Variants in PXDN observed in about 807,000 individuals in gnomAD.
The protein encoded by PXDN is peroxidasin.
PXDN carries 77 observed loss-of-function variants against 140.3 expected under a neutral mutation model. That is an observed-to-expected ratio of 0.55 (90% CI 0.46 to 0.66). PXDN has a LOEUF of 0.66. PXDN is among the 30% of genes least tolerant of loss of function. PXDN has a pLI of 0.00. For synonymous variants in PXDN, 911 were observed against 857.4 expected, an observed-to-expected ratio of 1.06 and a Z score of -1.09; for missense variants, 1,838 against 2,039.5, an observed-to-expected ratio of 0.90 and a Z score of 1.90.
intron 18 of PXDN, among the ~76,000 whole-genome samples, chr2:1,644,363 C>T (rs1037868719): frequency 2.6e-5 from 4 of 152,090 alleles, no homozygotes; most frequent in African/African-American, 9.7e-5. Context: ...CAGAAATATT[C>T]CTATAAATGA....
rs1558494390 is a variant in PXDN at position 1,658,064 on chromosome 2, CTCTCTCTCTCTCTCTCT to C, written c.1837+2800_1837+2816del. ...TCTCTCTCTCTCTCTCTCTCTCTCT[CTCTCTCTCTCTCTCTCT>C]CTCTCTCTCTCTGTTACAGTGTCTG... is the stretch of plus-strand genomic sequence containing the variant. On this transcript the variant is annotated intron_variant, in intron 14 of 22. Transcript: ENST00000252804. 1.9e-3 allele frequency among the ~76,000 whole-genome samples: 213 copies of C among 109,298 alleles called. 28 individuals carry two copies. Among genetic ancestry groups the C allele is most frequent in the Middle Eastern group, 4.5e-3 (1 of 220 alleles). 71.7% of individuals were successfully genotyped at this position (109,298 alleles called of 152,430 possible).
intron 17 of PXDN, among the ~76,000 whole-genome samples, chr2:1,647,810 TTGG>T (rs1682885874): frequency 1.3e-5 from 2 of 152,226 alleles, no homozygotes; most frequent in South Asian, 4.1e-4. Context: ...AGTGTCAGTT[TTGG>T]TGTTTTCTGG....
intron 1 of PXDN, among the ~76,000 whole-genome samples, chr2:1,707,366 G>T (rs1165365092): frequency 3.0e-5 from 2 of 67,360 alleles, no homozygotes; most frequent in Non-Finnish European, 3.5e-5. Context: ...AGAGCACGCT[G>T]CAGTGCTCAC....
At chr2:1,730,255 G>A (rs143691521) in intron 1 of PXDN, among the ~76,000 whole-genome samples, 179 of 152,318 alleles carry the variant, frequency 1.2e-3, no homozygotes, top group African/African-American at 4.2e-3. Flanking sequence ...GTAAAAGAAA[G>A]CTGGATGATG....
At chr2:1,694,643 C>G (rs1445413751) in intron 1 of PXDN, among the ~76,000 whole-genome samples, 1 of 152,210 alleles carries the variant, frequency 6.6e-6, no homozygotes, top group Non-Finnish European at 1.5e-5. Flanking sequence ...CGCCATGCTC[C>G]CCTCTAAACA....
Position 1,651,557 on chromosome 2 carries a change from C to T in PXDN, c.2105-1882G>A, listed in dbSNP as rs548094546. 1.3e-5 allele frequency among the ~76,000 whole-genome samples: 2 copies of T among 152,316 alleles called. No individual in the cohort carries two copies. Among genetic ancestry groups the T allele is most frequent in the East Asian group, 1.9e-4 (1 of 5,178 alleles). On this transcript the variant is annotated intron_variant, in intron 16 of 22. Transcript: ENST00000252804. This position sits in a 1 kb window ranked among gnomAD's most constrained non-coding sequence, Gnocchi z 4.4. ...GCCCTTTCTGGTGGAGCACAAATCTCCTTAACTTTATCAGCCCTTCCTCAC... is the reference window on the plus strand; with the variant it reads ...GCCCTTTCTGGTGGAGCACAAATCTTCTTAACTTTATCAGCCCTTCCTCAC...
Position 1,680,213 on chromosome 2 carries a change from G to T in PXDN, c.710C>A (p.Thr237Asn). ...CTCACCACAGTTCAGCTCTTCCGGG[G>T]TGATGGTTGCCACTGAGCGTCCCTG... ...RIQGRSVATI[T>N]PEELNCERPR... is the part of the protein sequence containing the mutation. The change falls in exon 7 of 23, where the codon ACC becomes AAC. Residue 237 changes from threonine (T) to asparagine (N), a missense_variant. By Grantham distance (65) the Thr-to-Asn change is moderately conservative. This residue lies in a region of PXDN where 208 missense variants were observed against 325.8 expected (regional missense o/e 0.64). Transcript: ENST00000252804. 6.3e-7 allele frequency: 1 copy of T among 1,587,242 alleles called. No individual in the cohort carries two copies. Among genetic ancestry groups the T allele is most frequent in the East Asian group, 2.3e-5 (1 of 43,304 alleles).
At chr2:1,734,008 C>A (rs1256653032) in intron 1 of PXDN, among the ~76,000 whole-genome samples, 1 of 152,100 alleles carries the variant, frequency 6.6e-6, no homozygotes, top group East Asian at 1.9e-4. Context: ...TTATCTAAAT[C>A]TCTAAAAAGA....
intron 1 of PXDN, among the ~76,000 whole-genome samples, chr2:1,702,954 G>A (rs1351351808): frequency 2.1e-5 from 3 of 146,206 alleles, no homozygotes; most frequent in Non-Finnish European, 4.4e-5. Context: ...GATGAATTTA[G>A]TTCAGTCTAG....
intron 1 of PXDN, among the ~76,000 whole-genome samples, chr2:1,715,543 A>T (rs1437168432): frequency 1.3e-5 from 2 of 152,150 alleles, no homozygotes; most frequent in Admixed American, 6.5e-5. Flanking sequence ...CTTCTAACTC[A>T]AGGAACACGC....
chr2:1,677,237 A>G (rs1256844821), intron 7 of PXDN, among the ~76,000 whole-genome samples, 193 bp from the exon 8 acceptor site: 2 of 152,122 alleles, frequency 1.3e-5, no homozygotes, highest in Admixed American at 6.5e-5. Flanking sequence ...GATCTACATG[A>G]TGTCTATGCC....
At chr2:1,663,219 T>C (rs1683347080) in intron 12 of PXDN, among the ~76,000 whole-genome samples, 1 of 152,200 alleles carries the variant, frequency 6.6e-6, no homozygotes, top group Non-Finnish European at 1.5e-5. Context: ...CTGGGGTCTG[T>C]GCCTTGGGAG....
chr2:1,695,080 C>T (rs1684270696), intron 1 of PXDN, among the ~76,000 whole-genome samples: 1 of 152,222 alleles, frequency 6.6e-6, no homozygotes, highest in East Asian at 1.9e-4. Flanking sequence ...CTTATTCTGG[C>T]TCCTCATTCC....
intron 21 of PXDN, among the ~76,000 whole-genome samples, chr2:1,637,685 C>T (rs12714340): frequency 0.63 from 27,046 of 42,624 alleles, 9,144 homozygotes; most frequent in East Asian, 0.87. Context: ...GCAGGAGGAC[C>T]TGCCACACGC....
chr2:1,721,201 A>G (rs1232984070), intron 1 of PXDN, among the ~76,000 whole-genome samples: 1 of 152,212 alleles, frequency 6.6e-6, no homozygotes, highest in Non-Finnish European at 1.5e-5. Context: ...CATCACAGGC[A>G]GGCAGGCAGC....
intron 1 of PXDN, among the ~76,000 whole-genome samples, chr2:1,694,731 G>C (rs2125452261): frequency 6.6e-6 from 1 of 152,356 alleles, no homozygotes. Flanking sequence ...GCTGCTGAAA[G>C]TCAGAAGCAT....
At chr2:1,638,435 G>C (rs1357238981) in intron 21 of PXDN, among the ~76,000 whole-genome samples, 1 of 152,188 alleles carries the variant, frequency 6.6e-6, no homozygotes, top group Non-Finnish European at 1.5e-5. Flanking sequence ...GGCTGGATCA[G>C]TTGTGGAGGG....
At chr2:1,640,395 T>C (rs923995024) in intron 19 of PXDN, among the ~76,000 whole-genome samples, 1 of 152,192 alleles carries the variant, frequency 6.6e-6, no homozygotes, top group African/African-American at 2.4e-5. Context: ...ACGTGCAGCA[T>C]ACACCTCAGA....
chr2:1,677,110 C>T lies in PXDN; in HGVS notation c.731-66G>A. 3.7e-6 allele frequency: 5 copies of T among 1,368,248 alleles called. No homozygotes were observed. In the Admixed American group the frequency reaches 7.0e-5, roughly 19 times the overall value. The allele number at this position is 1,368,248 out of a possible 1,614,324, so 84.8% of individuals were successfully genotyped here. On this transcript the variant is annotated intron_variant, in intron 7 of 22. Transcript: ENST00000252804. ...CATGACATGAAAATAAATGACAACA[C>T]ACGCTGAGTTCTCTGTGTCCAAAAG...
Sources: allele counts gnomAD v4.1 joint callset (sites outside exome capture counted in the v4.1 genomes callset), GRCh38; gene constraint gnomAD v4.1.1; regional missense constraint gnomAD v4.1.1; non-coding constraint Gnocchi (gnomAD v3.1); transcripts MANE v1.5; gene names NCBI Gene and HGNC (gene_info 2026-07-23, HGNC 2026-07-21).